The following MARCHF3 variants were observed in gnomAD, a reference collection of about 807,000 sequenced individuals.
MARCHF3 encodes the protein membrane associated ring-CH-type finger 3, also known as E3 ubiquitin-protein ligase MARCHF3.
A neutral mutation model predicts 24.2 loss-of-function variants in MARCHF3; 13 were observed. The ratio of observed to expected loss-of-function variants is 0.54; its 90% CI spans 0.35 to 0.85. The LOEUF (loss-of-function observed/expected upper bound fraction) is 0.85, where lower values mean the gene tolerates loss of function less well. Ranked by LOEUF, MARCHF3 falls within the 40% of genes least tolerant of loss-of-function variation. MARCHF3 has a pLI of 0.01. For synonymous variants in MARCHF3, 144 were observed against 137.3 expected (o/e 1.05, Z -0.34); for missense variants, 276 against 325.0 (o/e 0.85, Z 1.16).
chr5:126,914,823 T>C (rs1754665065), intron 3 of MARCHF3, 107 bp downstream of exon 3: 1 of 688,488 alleles, frequency 1.5e-6, no homozygotes, highest in African/African-American at 2.0e-5. Flanking sequence ...GTCACATAGC[T>C]ATTACCGTGC....
At chr5:126,904,824 T>C (rs1198476105) in intron 3 of MARCHF3, among the ~76,000 whole-genome samples, 1 of 151,160 alleles carries the variant, frequency 6.6e-6, no homozygotes, top group East Asian at 1.9e-4. Flanking sequence ...TTCAATTAGA[T>C]CCCATTTGTC....
At chr5:126,896,342 C>T (rs1217835019) in intron 3 of MARCHF3, among the ~76,000 whole-genome samples, 2 of 152,050 alleles carry the variant, frequency 1.3e-5, no homozygotes, top group African/African-American at 4.8e-5. Context: ...CCAGAAAAGA[C>T]ATTCTTAAGG....
intron 1 of MARCHF3, among the ~76,000 whole-genome samples, chr5:127,002,089 GA>G (rs1348632373): frequency 1.3e-5 from 2 of 152,188 alleles, no homozygotes; most frequent in African/African-American, 4.8e-5. Context: ...ACTTAGTGAA[GA>G]ATGACATGGC....
intron 1 of MARCHF3, among the ~76,000 whole-genome samples, chr5:127,017,116 T>C (rs1035137531): frequency 4.6e-5 from 7 of 151,712 alleles, no homozygotes; most frequent in Admixed American, 3.9e-4. Flanking sequence ...GCCTGTCAGG[T>C]GGTGGGGGGC....
At chr5:126,946,392 G>C in intron 1 of MARCHF3, 1 of 147,044 alleles carries the variant, frequency 6.8e-6, no homozygotes, top group Non-Finnish European at 1.5e-5. Flanking sequence ...AAAAAAAAAG[G>C]AATAGAATTA....
At chr5:126,960,701 A>T (rs1249482026) in intron 1 of MARCHF3, among the ~76,000 whole-genome samples, 1 of 152,140 alleles carries the variant, frequency 6.6e-6, no homozygotes, top group East Asian at 1.9e-4. Context: ...GTATATAGCC[A>T]GACACCAGAC....
At position 126,871,908 on chromosome 5, in the gene MARCHF3, T is replaced by C. The variant is rs549559131; in HGVS notation, c.604-1117A>G. 2.0e-5 allele frequency among the ~76,000 whole-genome samples: 3 copies of C among 148,784 alleles called. No individual in the cohort carries two copies. In the East Asian group the frequency reaches 5.9e-4, roughly 29 times the overall value. On this transcript the variant is annotated intron_variant, in intron 4 of 4. Coordinates refer to ENST00000308660, the MANE Select transcript of MARCHF3 (RefSeq NM_178450.5). The stretch of plus-strand genomic sequence containing the variant: ...TTTTAGTGGAGACAGGGTTTCACCA[T>C]GTTGGCCAGGCAGGCTGGTCTCGAA...
intron 3 of MARCHF3, among the ~76,000 whole-genome samples, chr5:126,880,650 G>A (rs1047712033): frequency 6.6e-6 from 1 of 152,148 alleles, no homozygotes; most frequent in East Asian, 1.9e-4. Flanking sequence ...GAAGAGGATC[G>A]AGATCTCTAC....
At chr5:126,892,843 G>A in intron 3 of MARCHF3, among the ~76,000 whole-genome samples, 1 of 151,114 alleles carries the variant, frequency 6.6e-6, no homozygotes, top group Non-Finnish European at 1.5e-5. Flanking sequence ...TCTATTGATT[G>A]GAATAGTTTC....
intron 3 of MARCHF3, among the ~76,000 whole-genome samples, chr5:126,888,578 T>C (rs1753571860): frequency 1.3e-5 from 2 of 152,310 alleles, no homozygotes; most frequent in South Asian, 2.1e-4. Context: ...CAAATGGAGA[T>C]TGCTTATCTG....
At position 126,897,964 on chromosome 5, in the gene MARCHF3, T is replaced by C. The variant is rs192652734; in HGVS notation, c.393+16966A>G. 2.6e-5 allele frequency among the ~76,000 whole-genome samples: 4 copies of C among 152,198 alleles called. 1 individual carries two copies. The highest frequency in any genetic ancestry group is 2.6e-4 in the Admixed American group (4 of 15,246). On this transcript the variant is annotated intron_variant, in intron 3 of 4. Transcript: ENST00000308660. The stretch of plus-strand genomic sequence containing the variant: ...TCACAAAGGTCCACATACTGTAGGA[T>C]TCCATTCATAGGAAATGTCCAGAAC...
intron 1 of MARCHF3, among the ~76,000 whole-genome samples, chr5:127,010,800 A>T (rs1432578233): frequency 1.3e-5 from 2 of 152,220 alleles, no homozygotes; most frequent in Admixed American, 1.3e-4. Context: ...ACCAACTGTA[A>T]TGTTGGCTAC....
At chr5:126,957,051 T>C (rs533052008) in intron 1 of MARCHF3, among the ~76,000 whole-genome samples, 1 of 152,098 alleles carries the variant, frequency 6.6e-6, no homozygotes, top group Non-Finnish European at 1.5e-5. Context: ...GGTGCCACTG[T>C]GCCCGGCTAA....
At chr5:126,889,601 G>A (rs935193163) in intron 3 of MARCHF3, among the ~76,000 whole-genome samples, 1 of 152,076 alleles carries the variant, frequency 6.6e-6, no homozygotes, top group South Asian at 2.1e-4. Flanking sequence ...CTTTGAAAAA[G>A]GGGAAATTTC....
At chr5:126,912,557 A>G (rs896314394) in intron 3 of MARCHF3, among the ~76,000 whole-genome samples, 2 of 152,196 alleles carry the variant, frequency 1.3e-5, no homozygotes, top group Non-Finnish European at 2.9e-5. Context: ...TAACCCAAAT[A>G]GGCAGGTTTT....
At chr5:126,910,317 C>T (rs1451858466) in intron 3 of MARCHF3, among the ~76,000 whole-genome samples, 2 of 152,224 alleles carry the variant, frequency 1.3e-5, no homozygotes, top group East Asian at 1.9e-4. Context: ...ATGTTACAAG[C>T]ATGCTATTTG....
chr5:126,928,410 G>A (rs1461218725), intron 1 of MARCHF3, among the ~76,000 whole-genome samples: 1 of 152,082 alleles, frequency 6.6e-6, no homozygotes, highest in Non-Finnish European at 1.5e-5. Flanking sequence ...CAAGGAACTT[G>A]GTTTCTAGTG....
In MARCHF3 at chr5:126,890,239, T is replaced by C. The variant is rs190564099; in HGVS notation, c.394-11845A>G. Among the ~76,000 whole-genome samples, 34 of 152,194 alleles carry C rather than the reference T, an allele frequency of 2.2e-4. 1 individual carries two copies. The highest frequency in any genetic ancestry group is 4.3e-4 in the Non-Finnish European group (29 of 68,006). ...CACTTTGCTATAAAACTCACAGACT[T>C]GTCTTCAGAAAAGACATACTTTTTT... is the stretch of plus-strand genomic sequence containing the variant. On this transcript the variant is annotated intron_variant, in intron 3 of 4. Transcript: ENST00000308660.
chr5:126,937,614 C>T (rs1057325454), intron 1 of MARCHF3, among the ~76,000 whole-genome samples: 2 of 152,118 alleles, frequency 1.3e-5, no homozygotes, highest in Admixed American at 6.6e-5. Flanking sequence ...TTATGATTTT[C>T]TTAGCACCAT....
Sources: allele counts gnomAD v4.1 joint callset (sites outside exome capture counted in the v4.1 genomes callset), GRCh38; gene constraint gnomAD v4.1.1; transcripts MANE v1.5; gene names NCBI Gene and HGNC (gene_info 2026-07-23, HGNC 2026-07-21).